SORL1: variants seen among roughly 807,000 people sequenced by gnomAD.
The protein encoded by SORL1 is sortilin related receptor 1, also known as sortilin-related receptor.
In SORL1, 127 loss-of-function variants were observed where a neutral mutation model predicts 273.7. That is an observed-to-expected ratio of 0.46 (90% confidence interval 0.40 to 0.54). The LOEUF is 0.54. Ranked by LOEUF, SORL1 falls within the 20% of genes least tolerant of loss-of-function variation. SORL1 has a pLI of 0.00. For missense variants in SORL1, 2,494 were observed against 2,846.1 expected (o/e 0.88, Z 2.81); for synonymous variants, 1,031 against 1,067.4 (o/e 0.97, Z 0.66).
chr11:121,576,856 C>A, intron 24 of SORL1: 2 of 1,535,412 alleles, frequency 1.3e-6, no homozygotes, highest in Non-Finnish European at 1.7e-6. Context: ...CTCATGCAGA[C>A]CTCTCGGCAC....
At chr11:121,599,007 G>A (rs1463040082) in intron 32 of SORL1, among the ~76,000 whole-genome samples, 1 of 152,008 alleles carries the variant, frequency 6.6e-6, no homozygotes, top group Non-Finnish European at 1.5e-5. Context: ...TTCCAAGGTA[G>A]GGTGATTTCT....
At chr11:121,608,979 A>C (rs1027447446) in intron 38 of SORL1, 1 of 152,178 alleles carries the variant, frequency 6.6e-6, no homozygotes, top group Non-Finnish European at 1.5e-5. Flanking sequence ...TCTCTACTCT[A>C]TCACGGGCAT....
intron 31 of SORL1, among the ~76,000 whole-genome samples, chr11:121,592,949 CT>C (rs1446141880): frequency 6.6e-6 from 1 of 152,184 alleles, no homozygotes; most frequent in Non-Finnish European, 1.5e-5. Flanking sequence ...TTTGTACTTT[CT>C]TTTTTGTGCG....
At chr11:121,533,951 A>G (rs939924855) in intron 12 of SORL1, among the ~76,000 whole-genome samples, 2 of 152,244 alleles carry the variant, frequency 1.3e-5, no homozygotes, top group Non-Finnish European at 1.5e-5. Context: ...GACAACGACC[A>G]TCACAGAGCA....
intron 25 of SORL1, among the ~76,000 whole-genome samples, chr11:121,578,159 T>C (rs1265841671): frequency 6.6e-6 from 1 of 152,232 alleles, no homozygotes; most frequent in Admixed American, 6.5e-5. Flanking sequence ...TACAGCCTCC[T>C]TGAGAAGCTG....
At chr11:121,522,175 T>G (rs1173063336) in intron 9 of SORL1, among the ~76,000 whole-genome samples, 1 of 152,264 alleles carries the variant, frequency 6.6e-6, no homozygotes, top group African/African-American at 2.4e-5. Flanking sequence ...ATGACAGAAT[T>G]GCTGGAATCA....
chr11:121,532,672 T>G, intron 12 of SORL1, 120 bp downstream of exon 12: 12 of 791,480 alleles, frequency 1.5e-5, no homozygotes, highest in Non-Finnish European at 2.2e-5. Context: ...TTGTGATCTC[T>G]GGATATGAGT....
At chr11:121,506,951 C>A (rs1190286907) in intron 6 of SORL1, among the ~76,000 whole-genome samples, 1 of 152,078 alleles carries the variant, frequency 6.6e-6, no homozygotes, top group Non-Finnish European at 1.5e-5. Flanking sequence ...CTTGTACCTT[C>A]TTTCACTAAA....
intron 2 of SORL1, among the ~76,000 whole-genome samples, chr11:121,476,250 C>T (rs1024749093): frequency 2.0e-5 from 3 of 152,206 alleles, no homozygotes; most frequent in Admixed American, 6.5e-5. Context: ...AGTGCTACTT[C>T]GTCATTTTAC....
chr11:121,522,975 G>A lies in SORL1; in HGVS notation c.1582G>A (p.Ala528Thr), dbSNP rs2298813. 91,978 of 1,612,676 alleles carry A rather than the reference G, an allele frequency of 0.057. 3,299 individuals carry two copies. The highest frequency in any genetic ancestry group is 0.14 in the East Asian group (6,179 of 44,866). Reference sequence around the variant, plus strand: ...CGTGTACATCTCTAGCAGTGCTGGAGCCAGGTGGCGAGAGGTCAGCCCCCT... The same window carrying A: ...CGTGTACATCTCTAGCAGTGCTGGAACCAGGTGGCGAGAGGTCAGCCCCCT... ...TNVYISSSAGARWREALPGPH... is the reference protein window; with the variant it reads ...TNVYISSSAGTRWREALPGPH... The change falls in exon 11 of 48, where the codon GCC becomes ACC. Residue 528 changes from alanine (A) to threonine (T), a missense_variant. Physicochemically the swap from Ala to Thr is moderately conservative, Grantham distance 58. This residue lies in a region of SORL1 where 710 missense variants were observed against 882.5 expected (regional missense o/e 0.80). Transcript: ENST00000260197.
At chr11:121,566,893 C>T in intron 21 of SORL1, 47 bp from the exon 22 acceptor site, 1 of 1,565,940 alleles carries the variant, frequency 6.4e-7, no homozygotes, top group South Asian at 1.2e-5. Flanking sequence ...CAGTACCTCC[C>T]TCATGGTGTG....
chr11:121,504,273 G>A (rs542243980), intron 6 of SORL1, among the ~76,000 whole-genome samples: 40 of 152,256 alleles, frequency 2.6e-4, no homozygotes, highest in Admixed American at 1.0e-3. Flanking sequence ...TTAGCTGGGC[G>A]TGGTGGAGCG....
intron 29 of SORL1, 92 bp from the exon 30 acceptor site, chr11:121,589,948 G>A: frequency 6.7e-7 from 1 of 1,496,820 alleles, no homozygotes; most frequent in Non-Finnish European, 9.1e-7. Flanking sequence ...GGTTGCCCTG[G>A]AACTTGGGTC....
At chr11:121,569,949 C>T (rs1038209770) in intron 22 of SORL1, among the ~76,000 whole-genome samples, 3 of 152,082 alleles carry the variant, frequency 2.0e-5, no homozygotes, top group Non-Finnish European at 2.9e-5. Flanking sequence ...TTTTTTTACG[C>T]TGTCCCTTTA....
intron 12 of SORL1, among the ~76,000 whole-genome samples, chr11:121,539,684 G>A (rs954417184): frequency 3.3e-5 from 5 of 150,620 alleles, no homozygotes; most frequent in African/African-American, 4.9e-5. Context: ...TTTTACTAAC[G>A]AAGTCTTTAT....
chr11:121,551,002 G>A (rs534285360), intron 16 of SORL1, among the ~76,000 whole-genome samples: 1 of 152,200 alleles, frequency 6.6e-6, no homozygotes, highest in Non-Finnish European at 1.5e-5. Flanking sequence ...GTTTGTCAAA[G>A]TTGAGTATAA....
intron 29 of SORL1, 39 bp from the exon 30 acceptor site, chr11:121,590,001 T>TG (rs568081006): frequency 2.7e-5 from 44 of 1,608,934 alleles, no homozygotes; most frequent in Non-Finnish European, 3.7e-5. Context: ...TTCACACTGA[T>TG]GCAGGGAAAG....
In SORL1 at chr11:121,629,832, C is replaced by T; in HGVS notation, c.*269C>T. 1 of 406,560 alleles carries T rather than the reference C, an allele frequency of 2.5e-6. No individual in the cohort carries two copies. The allele number at this position is 406,560 out of a possible 1,614,324, so 25.2% of individuals were successfully genotyped here. ...TACAGGGCTGTGCTTGCTGGGCATG[C>T]TTTTACGTCTGTGAGATAATTTCGG... On this transcript the variant is annotated 3_prime_UTR_variant, in exon 48 of 48. Transcript: ENST00000260197.
At position 121,566,984 on chromosome 11, in the gene SORL1, C is replaced by T; in HGVS notation, c.3094C>T (p.Pro1032Ser). 1 of 1,614,088 alleles carries T rather than the reference C, an allele frequency of 6.2e-7. No individual in the cohort carries two copies. Among genetic ancestry groups the T allele is most frequent in the Non-Finnish European group, 8.5e-7 (1 of 1,179,974 alleles). The change falls in exon 22 of 48, where the codon CCC (proline) becomes TCC (serine). Residue 1032 changes from proline to serine, a missense_variant. Coordinates refer to ENST00000260197, the MANE Select transcript of SORL1 (RefSeq NM_003105.6). Reference sequence around the variant, plus strand: ...CAGGCCATGCAGCCTGCTGTGCCTGCCCAAGGCCAACAACAGTAGAAGCTG... The same window carrying T: ...CAGGCCATGCAGCCTGCTGTGCCTGTCCAAGGCCAACAACAGTAGAAGCTG... ...VPRPCSLLCL[P>S]KANNSRSCRC... is the part of the protein sequence containing the mutation.
Sources: gnomAD v4.1 joint callset for allele counts (sites outside exome capture counted in the v4.1 genomes callset) on GRCh38, gnomAD v4.1.1 for gene constraint, gnomAD v4.1.1 regional missense constraint, MANE v1.5 for transcripts, NCBI Gene and HGNC (gene_info 2026-07-23, HGNC 2026-07-21) for gene names.